The following C1QC variants were observed in gnomAD, a reference collection of about 807,000 sequenced individuals.
The protein encoded by C1QC is complement C1q subcomponent subunit C.
A neutral mutation model predicts 5.9 loss-of-function variants in C1QC; 4 were observed. The observed-to-expected ratio is 0.68, with a 90% CI of 0.33 to 1.55. The LOEUF (loss-of-function observed/expected upper bound fraction) is 1.55. Among genes scored for constraint, C1QC ranks in the 40% most tolerant of loss-of-function variants. The pLI, the probability that C1QC is intolerant of heterozygous loss-of-function variation, is 0.06. For missense variants in C1QC, 299 were observed against 326.9 expected (o/e 0.91, Z 0.66); for synonymous variants, 166 against 153.8 (o/e 1.08, Z -0.59).
rs201727881 is a variant in C1QC at position 22,644,023 on chromosome 1, G to A, written c.-1G>A. 2 of 1,592,640 alleles carry A rather than the reference G, an allele frequency of 1.3e-6. No individual in the cohort carries two copies. Among genetic ancestry groups the A allele is most frequent in the Non-Finnish European group, 1.7e-6 (2 of 1,171,392 alleles). On this transcript the variant is annotated 5_prime_UTR_variant, in exon 2 of 3. Coordinates refer to ENST00000374640, the MANE Select transcript of C1QC (RefSeq NM_172369.5). ...CTCTCCCTCCCAGTTCCTTCTCCGG[G>A]ATGGACGTGGGGCCCAGCTCCCTGC...
rs1339627572 is a variant in C1QC at position 22,644,151 on chromosome 1, G to C, written c.128G>C (p.Gly43Ala). 1.3e-6 allele frequency: 2 copies of C among 1,586,942 alleles called. No individual in the cohort carries two copies. The highest frequency in any genetic ancestry group is 3.3e-4 in the Middle Eastern group (2 of 6,016). The change falls in exon 2 of 3, where the codon GGG becomes GCG. Residue 43 changes from glycine to alanine, a missense_variant. By Grantham distance (60) the Gly-to-Ala change is moderately conservative. Around this residue, in one of 3 missense-constraint regions of C1QC, gnomAD observed 146 missense variants for 144.1 expected, o/e 1.01. Coordinates refer to ENST00000374640, the MANE Select transcript of C1QC (RefSeq NM_172369.5). ...YGIPGMPGLP[G>A]APGKDGYDGL... ...ATCCCAGGGATGCCCGGCCTGCCCG[G>C]GGCACCAGGGAAGGATGGGTACGAC...
chr1:22,647,163 C>T (rs1642380879), intron 2 of C1QC, 64 bp from the exon 3 acceptor site: 2 of 1,570,230 alleles, frequency 1.3e-6, no homozygotes, highest in Admixed American at 3.4e-5. Flanking sequence ...CTGGAAGACA[C>T]CCTCAGGGTC....
intron 2 of C1QC, among the ~76,000 whole-genome samples, chr1:22,645,863 A>T (rs1025558017): frequency 2.0e-5 from 3 of 152,202 alleles, no homozygotes; most frequent in Admixed American, 1.3e-4. Context: ...TTCATAAGCC[A>T]TAGAGGATCT....
rs1266627428 is a variant in C1QC at position 22,647,593 on chromosome 1, A to G, written c.548A>G (p.Tyr183Cys). ...ACAGCCAACCTGTGCGTGCTGCTGT[A>G]CCGCAGCGGCGTCAAAGTGGTCACC... ...SHTANLCVLL[Y>C]RSGVKVVTFC... The change falls in exon 3 of 3, where the codon TAC (tyrosine) becomes TGC (cysteine). Residue 183 changes from tyrosine (Y) to cysteine (C), a missense_variant. Physicochemically the swap from Tyr to Cys is radical, Grantham distance 194. Around this residue, in one of 3 missense-constraint regions of C1QC, gnomAD observed 144 missense variants for 155.1 expected, o/e 0.93. Coordinates refer to ENST00000374640, the MANE Select transcript of C1QC (RefSeq NM_172369.5). The G allele has an allele frequency of 2.5e-6, 4 of 1,614,108 alleles. No individual in the cohort carries two copies. Among genetic ancestry groups the G allele is most frequent in the African/African-American group, 1.3e-5 (1 of 74,946 alleles).
rs768876686 is a variant in C1QC at position 22,644,182 on chromosome 1, G to T, written c.159G>T (p.Leu53=). Residue 53 remains leucine (L), a synonymous_variant, in exon 2 of 3, where the codon CTG becomes CTT. Coordinates refer to ENST00000374640, the MANE Select transcript of C1QC (RefSeq NM_172369.5). Reference sequence around the variant, plus strand: ...CAGGGAAGGATGGGTACGACGGACTGCCGGGGCCCAAGGGGGAGCCAGGTG... The same window carrying T: ...CAGGGAAGGATGGGTACGACGGACTTCCGGGGCCCAAGGGGGAGCCAGGTG... ...GAPGKDGYDG[L]PGPKGEPGIP... The T allele has an allele frequency of 2.5e-5, 40 of 1,583,458 alleles. No individual in the cohort carries two copies. The highest frequency in any genetic ancestry group is 1.7e-4 in the Middle Eastern group (1 of 6,004).
intron 2 of C1QC, 30 bp downstream of exon 2, chr1:22,644,234 G>C: frequency 3.9e-6 from 6 of 1,535,176 alleles, no homozygotes; most frequent in Non-Finnish European, 5.3e-6. Context: ...TTGGGGGTTT[G>C]GGTCTGGGGC....
intron 1 of C1QC, 52 bp from the exon 2 acceptor site, chr1:22,643,959 G>T: frequency 1.3e-6 from 2 of 1,553,046 alleles, no homozygotes; most frequent in Non-Finnish European, 8.7e-7. Flanking sequence ...GAATGAGAGG[G>T]TTGGGGGCAG....
chr1:22,644,341 TCTCA>T, intron 2 of C1QC, 137 bp downstream of exon 2: 1 of 1,174,448 alleles, frequency 8.5e-7, no homozygotes, highest in Non-Finnish European at 1.2e-6. Flanking sequence ...AGAGGTGGAC[TCTCA>T]CGGTGTGTCT....
intron 2 of C1QC, 84 bp downstream of exon 2, chr1:22,644,288 ACAGCAGGAAGTG>A: frequency 6.9e-7 from 1 of 1,442,078 alleles, no homozygotes; most frequent in South Asian, 1.4e-5. Flanking sequence ...GGGGCGGGGG[ACAGCAGGAAGTG>A]CTTGCCTTGC....
rs112877723 is a variant in C1QC, at chr1:22,644,193, A to C, written c.170A>C (p.Lys57Thr). 1 of 1,575,624 alleles carries C rather than the reference A, an allele frequency of 6.3e-7. No homozygotes were observed. Among genetic ancestry groups the C allele is most frequent in the Non-Finnish European group, 8.6e-7 (1 of 1,161,174 alleles). Residue 57 changes from lysine (K) to threonine (T), a missense_variant, in exon 2 of 3, where the codon AAG becomes ACG. Lys to Thr is a moderately conservative substitution (Grantham distance 78). Transcript: ENST00000374640. The stretch of plus-strand genomic sequence containing the variant: ...GGGTACGACGGACTGCCGGGGCCCA[A>C]GGGGGAGCCAGGTGAGTCTGCTGGC... Reference protein sequence around the residue: ...KDGYDGLPGPKGEPGIPAIPG... With the variant: ...KDGYDGLPGPTGEPGIPAIPG...
In C1QC at chr1:22,644,045, C is replaced by A; in HGVS notation, c.22C>A (p.Leu8Met). The change falls in exon 2 of 3, where the codon CTG becomes ATG. Residue 8 changes from leucine to methionine, a missense_variant. Physicochemically the swap from Leu to Met is conservative, Grantham distance 15 (BLOSUM62 2). This residue lies in a region of C1QC where 146 missense variants were observed against 144.1 expected (regional missense o/e 1.01). Transcript: ENST00000374640. ...CGGGATGGACGTGGGGCCCAGCTCC[C>A]TGCCCCACCTTGGGCTGAAGCTGCT... is the stretch of plus-strand genomic sequence containing the variant. MDVGPSS[L>M]PHLGLKLLLL... 3 of 1,588,348 alleles carry A rather than the reference C, an allele frequency of 1.9e-6. No homozygotes were observed. Among genetic ancestry groups the A allele is most frequent in the Non-Finnish European group, 2.6e-6 (3 of 1,168,748 alleles).
chr1:22,644,833 T>G (rs559560588), intron 2 of C1QC, among the ~76,000 whole-genome samples: 3 of 152,220 alleles, frequency 2.0e-5, no homozygotes, highest in Admixed American at 6.5e-5. Flanking sequence ...ACCTCCCTCC[T>G]TAGGATTCTG....
At position 22,648,036 on chromosome 1, in the gene C1QC, C is replaced by A. The variant is rs570545440; in HGVS notation, c.*253C>A. On this transcript the variant is annotated 3_prime_UTR_variant, in exon 3 of 3. Coordinates refer to ENST00000374640, the MANE Select transcript of C1QC (RefSeq NM_172369.5). ...CTTAACCAATGCCTTCTGGTACTGC[C>A]ATTCTTTTTTTTTTTTTTTTCAAGT... 2.5e-3 allele frequency: 1,035 copies of A among 415,768 alleles called. 7 individuals are homozygous for A. In the African/African-American group the frequency reaches 0.037, roughly 15 times the overall value. 25.8% of individuals were successfully genotyped at this position (415,768 alleles called of 1,614,324 possible).
Position 22,647,286 on chromosome 1 carries a change from C to T in C1QC, c.241C>T (p.Pro81Ser). The change falls in exon 3 of 3, where the codon CCC (proline) becomes TCC (serine). Residue 81 changes from proline to serine, a missense_variant. Pro to Ser is a moderately conservative substitution (Grantham distance 74). Coordinates refer to ENST00000374640, the MANE Select transcript of C1QC (RefSeq NM_172369.5). The part of the protein sequence containing the change: ...PKGQKGEPGL[P>S]GHPGKNGPMG... ...AGGGCAGAAGGGAGAACCCGGCTTA[C>T]CCGGCCATCCTGGGAAAAATGGCCC... 1 of 1,613,124 alleles carries T rather than the reference C, an allele frequency of 6.2e-7. No homozygotes were observed. The highest frequency in any genetic ancestry group is 8.5e-7 in the Non-Finnish European group (1 of 1,179,980).
In C1QC at chr1:22,647,508, A is replaced by G; in HGVS notation, c.463A>G (p.Thr155Ala). 1 of 1,614,234 alleles carries G rather than the reference A, an allele frequency of 6.2e-7. No individual in the cohort carries two copies. Among genetic ancestry groups the G allele is most frequent in the Non-Finnish European group, 8.5e-7 (1 of 1,180,040 alleles). ...CCCGCAGGGAGATTATGACACGAGC[A>G]CTGGCAAGTTCACCTGCAAAGTCCC... ...TNPQGDYDTS[T>A]GKFTCKVPGL... The change falls in exon 3 of 3, where the codon ACT becomes GCT. Residue 155 changes from threonine to alanine, a missense_variant. This residue lies in a region of C1QC where 144 missense variants were observed against 155.1 expected (regional missense o/e 0.93). Coordinates refer to ENST00000374640, the MANE Select transcript of C1QC (RefSeq NM_172369.5).
At position 22,647,788 on chromosome 1, in the gene C1QC, G is replaced by A. The variant is rs200952686; in HGVS notation, c.*5G>A. ...TTCCTGCTCTTCCCCGACTAGGGCG[G>A]GCAGATGCGCTCGAGCCCCACGGGC... On this transcript the variant is annotated 3_prime_UTR_variant, in exon 3 of 3. Transcript: ENST00000374640. The A allele has an allele frequency of 9.4e-5, 150 of 1,599,548 alleles. No homozygotes were observed. Among genetic ancestry groups the A allele is most frequent in the Middle Eastern group, 5.0e-4 (3 of 5,948 alleles).
chr1:22,647,136 T>C, intron 2 of C1QC, 91 bp from the exon 3 acceptor site: 1 of 1,451,942 alleles, frequency 6.9e-7, no homozygotes, highest in South Asian at 1.2e-5. Flanking sequence ...AGAGACCAAA[T>C]GCCAGCGCTG....
In C1QC at chr1:22,647,436, C is replaced by G. The variant is rs764386104; in HGVS notation, c.391C>G (p.Pro131Ala). ...VFTVTRQTHQPPAPNSLIRFN... is the reference protein window; with the variant it reads ...VFTVTRQTHQAPAPNSLIRFN... ...CACGGTCACTCGGCAGACCCACCAG[C>G]CCCCTGCACCCAACAGCCTGATCAG... is the stretch of plus-strand genomic sequence containing the variant. Residue 131 changes from proline to alanine, a missense_variant, in exon 3 of 3, where the codon CCC becomes GCC. Physicochemically the swap from Pro to Ala is conservative, Grantham distance 27. This residue lies in a region of C1QC where 144 missense variants were observed against 155.1 expected (regional missense o/e 0.93). Coordinates refer to ENST00000374640, the MANE Select transcript of C1QC (RefSeq NM_172369.5). The G allele has an allele frequency of 9.3e-6, 15 of 1,614,046 alleles. No homozygotes were observed. Among genetic ancestry groups the G allele is most frequent in the South Asian group, 2.2e-5 (2 of 91,088 alleles).
chr1:22,643,661 G>A lies in C1QC; in HGVS notation c.-67G>A. On this transcript the variant is annotated 5_prime_UTR_variant, in exon 1 of 3. Coordinates refer to ENST00000374640, the MANE Select transcript of C1QC (RefSeq NM_172369.5). ...CACCGTGTCCTCTTGCCTGGGAGAG[G>A]GGAAGCAGATCTGAGGACATCTCTG... 9.3e-7 allele frequency: 1 copy of A among 1,075,546 alleles called. No individual in the cohort carries two copies. The allele number at this position is 1,075,546 out of a possible 1,614,324, so 66.6% of individuals were successfully genotyped here.
Sources: allele counts gnomAD v4.1 joint callset (sites outside exome capture counted in the v4.1 genomes callset), GRCh38; gene constraint gnomAD v4.1.1; regional missense constraint gnomAD v4.1.1; transcripts MANE v1.5; gene names NCBI Gene and HGNC (gene_info 2026-07-23, HGNC 2026-07-21).